Variants in PKD1 observed in about 807,000 individuals in gnomAD.
PKD1 encodes polycystin 1, transient receptor potential channel interacting.
In PKD1, 81 loss-of-function variants were observed where a neutral mutation model predicts 361.7. The ratio of observed to expected loss-of-function variants is 0.22; its 90% CI spans 0.19 to 0.27. PKD1 has a LOEUF of 0.27. PKD1 is among the 10% of genes least tolerant of loss of function. The probability of loss-of-function intolerance (pLI) is 1.00; values close to 1 mark genes in which losing one functional copy is unlikely to be tolerated. For missense variants in PKD1, 6,399 were observed against 6,118.3 expected (o/e 1.05, Z -1.53); for synonymous variants, 3,615 against 2,818.3 (o/e 1.28, Z -8.95).
chr16:2,095,661 G>A (rs1387473488), intron 34 of PKD1, among the ~76,000 whole-genome samples: 1 of 152,232 alleles, frequency 6.6e-6, no homozygotes, highest in Admixed American at 6.5e-5. Flanking sequence ...CTGCAGTGAG[G>A]AAGGACGCAG....
chr16:2,089,569 A>C lies in PKD1; in HGVS notation c.*158T>G. On this transcript the variant is annotated 3_prime_UTR_variant, in exon 46 of 46. Transcript: ENST00000262304. Reference sequence around the variant, plus strand: ...TCCTGGTTGGCCACACAGCCTCTTTAAAGTGCTGAAGCCCACAGACAGACA... The same window carrying C: ...TCCTGGTTGGCCACACAGCCTCTTTCAAGTGCTGAAGCCCACAGACAGACA... 1 of 919,086 alleles carries C rather than the reference A, an allele frequency of 1.1e-6. No individual in the cohort carries two copies. The highest frequency in any genetic ancestry group is 1.6e-6 in the Non-Finnish European group (1 of 608,794). 56.9% of individuals were successfully genotyped at this position (919,086 alleles called of 1,614,324 possible).
intron 38 of PKD1, 62 bp downstream of exon 38, chr16:2,092,892 C>T (rs1171322322): frequency 1.3e-6 from 2 of 1,595,244 alleles, no homozygotes; most frequent in African/African-American, 2.7e-5. Flanking sequence ...CCCCTAGGGT[C>T]TGGCTGGACT....
rs1263269312 is a variant in PKD1 at position 2,102,850 on chromosome 16, G to A, written c.8912C>T (p.Ala2971Val). Residue 2971 changes from alanine (A) to valine (V), a missense_variant, in exon 24 of 46, where the codon GCT becomes GTT. Transcript: ENST00000262304. ...RRIRPESLQG[A>V]DHRPYTFFIS... ...GAAGAAGGTGTAGGGCCGGTGGTCAGCACCCTGGAGTGACTCTGGGCGGAT... is the reference window on the plus strand; with the variant it reads ...GAAGAAGGTGTAGGGCCGGTGGTCAACACCCTGGAGTGACTCTGGGCGGAT... 2 of 1,609,678 alleles carry A rather than the reference G, an allele frequency of 1.2e-6. No individual in the cohort carries two copies. Among genetic ancestry groups the A allele is most frequent in the Non-Finnish European group, 1.7e-6 (2 of 1,179,684 alleles).
At position 2,109,971 on chromosome 16, in the gene PKD1, G is replaced by A. The variant is rs2092457256; in HGVS notation, c.5196C>T (p.Val1732=). 1.9e-6 allele frequency: 3 copies of A among 1,610,000 alleles called. No homozygotes were observed. The highest frequency in any genetic ancestry group is 1.3e-5 in the African/African-American group (1 of 74,976). ...MVAASPNPAA[V]NTSVTLSAEL... is the part of the protein sequence containing the mutation. The stretch of plus-strand genomic sequence containing the variant: ...CGGCACTGAGGGTGACGCTTGTGTT[G>A]ACGGCAGCTGGGTTCGGGGAGGCGG... The change falls in exon 15 of 46, where the codon GTC becomes GTT. Residue 1732 remains valine, a synonymous_variant. Coordinates refer to ENST00000262304, the MANE Select transcript of PKD1 (RefSeq NM_001009944.3).
rs761881497 is a variant in PKD1, at chr16:2,106,909, C to T, written c.7105G>A (p.Glu2369Lys). The part of the protein sequence containing the change: ...RSGRVPIVSL[E>K]CVSCKAQAVY... ...GCCTGTGCCTTGCAGGACACACACT[C>T]CAAGGACACAATGGGCACCCGGCCA... The change falls in exon 17 of 46, where the codon GAG (glutamate) becomes AAG (lysine). Residue 2369 changes from glutamate (E) to lysine (K), a missense_variant. Transcript: ENST00000262304. This position sits in a 1 kb window ranked among gnomAD's most constrained non-coding sequence, Gnocchi z 6.5. 4 of 1,569,620 alleles carry T rather than the reference C, an allele frequency of 2.5e-6. No homozygotes were observed. In the South Asian group the frequency reaches 4.4e-5, roughly 17 times the overall value.
rs1395212176 is a variant in PKD1 at position 2,092,184 on chromosome 16, G to A, written c.11274C>T (p.Leu3758=). The change falls in exon 40 of 46, where the codon CTC becomes CTT. Residue 3758 remains leucine (L), a synonymous_variant. Transcript: ENST00000262304. ...CCCTGGGGCCGGGAGGGTCTGGGTA[G>A]AGTGCTGAAACACACAGAGCCCCAG... is the stretch of plus-strand genomic sequence containing the variant. ...RLRQVRLQEA[L]YPDPPGPRVH... 2 of 1,601,302 alleles carry A rather than the reference G, an allele frequency of 1.2e-6. No individual in the cohort carries two copies. Among genetic ancestry groups the A allele is most frequent in the Non-Finnish European group, 1.7e-6 (2 of 1,175,140 alleles).
rs756308252 is a variant in PKD1 at position 2,092,054 on chromosome 16, G to A, written c.11404C>T (p.Leu3802=). Residue 3802 remains leucine, a synonymous_variant, in exon 40 of 46, where the codon CTG becomes TTG. Transcript: ENST00000262304. The part of the protein sequence containing the change: ...SGTWAYSAPD[L]LGAWSWGSCA... ...GGCCCTCGCTCTGCTCACCCCAGCA[G>A]ATCCGGCGCTGAATAGGCCCACGTC... 26 of 1,612,700 alleles carry A rather than the reference G, an allele frequency of 1.6e-5. No individual in the cohort carries two copies. The highest frequency in any genetic ancestry group is 2.0e-5 in the Non-Finnish European group (24 of 1,179,994).
intron 13 of PKD1, 128 bp from the exon 14 acceptor site, chr16:2,112,601 C>A (rs113511812): frequency 1.0e-6 from 1 of 995,970 alleles, no homozygotes. Flanking sequence ...CAGGGCCCAC[C>A]CGGCTGTGCT....
At chr16:2,129,541 ATTTTTT>A (rs71148122) in intron 1 of PKD1, among the ~76,000 whole-genome samples, 5 of 72,090 alleles carry the variant, frequency 6.9e-5, no homozygotes, top group South Asian at 4.1e-4. Context: ...AGATCCTGTG[ATTTTTT>A]TTTTTTTTTT....
chr16:2,109,915 G>C lies in PKD1; in HGVS notation c.5252C>G (p.Thr1751Ser), dbSNP rs138442416. 1.9e-6 allele frequency: 3 copies of C among 1,610,404 alleles called. No individual in the cohort carries two copies. Among genetic ancestry groups the C allele is most frequent in the African/African-American group, 2.7e-5 (2 of 74,854 alleles). Reference protein sequence around the residue: ...ELAGGSGVVYTWSLEEGLSWE... With the variant: ...ELAGGSGVVYSWSLEEGLSWE... ...GCTCAGCCCCTCCTCCAAGGACCAA[G>C]TGTATACGACACCACTGCCACCAGC... Residue 1751 changes from threonine to serine, a missense_variant, in exon 15 of 46, where the codon ACT (threonine) becomes AGT (serine). Thr to Ser is a moderately conservative substitution (Grantham distance 58). Coordinates refer to ENST00000262304, the MANE Select transcript of PKD1 (RefSeq NM_001009944.3).
rs1474832636 is a variant in PKD1 at position 2,108,644 on chromosome 16, G to A, written c.6523C>T (p.Leu2175=). The change falls in exon 15 of 46, where the codon CTG becomes TTG. Residue 2175 remains leucine (L), a synonymous_variant. Transcript: ENST00000262304. ...GTCTGGTAGGTGACGCAGTCGCGCA[G>A]GTCAACGTGGGCCTCCAAGTAGTTG... ...QRNYLEAHVD[L]RDCVTYQTEY... 6.4e-7 allele frequency: 1 copy of A among 1,561,658 alleles called. No individual in the cohort carries two copies. Among genetic ancestry groups the A allele is most frequent in the Non-Finnish European group, 8.7e-7 (1 of 1,153,998 alleles).
At chr16:2,124,687 G>A (rs1235939543) in intron 1 of PKD1, among the ~76,000 whole-genome samples, 1 of 152,204 alleles carries the variant, frequency 6.6e-6, no homozygotes, top group Admixed American at 6.5e-5. Flanking sequence ...GGGGCCGGAC[G>A]GAGCCCCCAA....
chr16:2,104,680 C>T, intron 21 of PKD1, 38 bp from the exon 22 acceptor site: 1 of 1,276,464 alleles, frequency 7.8e-7, no homozygotes, highest in South Asian at 1.2e-5. Context: ...CGCTCCTGGC[C>T]CCACTCCTTG....
Position 2,104,511 on chromosome 16 carries a change from G to A in PKD1, c.8148C>T (p.Ile2716=). The part of the protein sequence containing the change: ...TVTPTAIGDS[I]LNITGDLIHL... ...GGGCCGCGGCACCTGTGATGTTGAG[G>A]ATGCTGTCTCCGATGGCGGTGGGCG... Residue 2716 remains isoleucine (I), a synonymous_variant, in exon 22 of 46, where the codon ATC becomes ATT. Transcript: ENST00000262304. The A allele has an allele frequency of 1.9e-6, 3 of 1,542,754 alleles. No homozygotes were observed. Among genetic ancestry groups the A allele is most frequent in the Non-Finnish European group, 2.6e-6 (3 of 1,140,526 alleles).
intron 1 of PKD1, among the ~76,000 whole-genome samples, chr16:2,131,135 C>T (rs1033755315): frequency 1.3e-5 from 2 of 152,198 alleles, no homozygotes; most frequent in Non-Finnish European, 2.9e-5. Flanking sequence ...CCCCAAGACA[C>T]AGCGAGAAAT....
Position 2,089,004 on chromosome 16 carries a change from T to G in PKD1, c.*723A>C. On this transcript the variant is annotated 3_prime_UTR_variant, in exon 46 of 46. Coordinates refer to ENST00000262304, the MANE Select transcript of PKD1 (RefSeq NM_001009944.3). ...AGTCCTGCTACTTGCCCAGACCTGA[T>G]GCCAGCAGGCCTGGGCGCTGCTCTC... 4.1e-6 allele frequency: 1 copy of G among 242,138 alleles called. No homozygotes were observed. Among genetic ancestry groups the G allele is most frequent in the Non-Finnish European group, 8.2e-6 (1 of 121,934 alleles). 15.0% of individuals were successfully genotyped at this position (242,138 alleles called of 1,614,324 possible).
chr16:2,102,284 G>A (rs1023231243), intron 25 of PKD1, 28 bp from the exon 26 acceptor site: 5 of 1,467,016 alleles, frequency 3.4e-6, no homozygotes, highest in African/African-American at 1.4e-5. Context: ...CCGGGCCCAG[G>A]AGGTCACGTG....
chr16:2,108,532 C>T lies in PKD1; in HGVS notation c.6635G>A (p.Ser2212Asn), dbSNP rs1172857833. ...CCGCGGCAGCACCAGCCGAGGCCGG[C>T]TCACGTCCACGCCGGGCAGGGCCAC... ...ARVALPGVDV[S>N]RPRLVLPRLA... Residue 2212 changes from serine (S) to asparagine (N), a missense_variant, in exon 15 of 46, where the codon AGC (serine) becomes AAC (asparagine). Ser to Asn is a conservative substitution (Grantham distance 46, BLOSUM62 1). Coordinates refer to ENST00000262304, the MANE Select transcript of PKD1 (RefSeq NM_001009944.3). 13 of 1,608,156 alleles carry T rather than the reference C, an allele frequency of 8.1e-6. No individual in the cohort carries two copies. Among genetic ancestry groups the T allele is most frequent in the Non-Finnish European group, 9.3e-6 (11 of 1,178,594 alleles).
chr16:2,131,346 C>T (rs959429885), intron 1 of PKD1, among the ~76,000 whole-genome samples: 2 of 151,674 alleles, frequency 1.3e-5, no homozygotes, highest in African/African-American at 2.4e-5. Context: ...CCCGTCTCTA[C>T]TAAAAATACA....
Sources: gnomAD v4.1 joint callset for allele counts (sites outside exome capture counted in the v4.1 genomes callset) on GRCh38, gnomAD v4.1.1 for gene constraint, Gnocchi (gnomAD v3.1) non-coding constraint, MANE v1.5 for transcripts, NCBI Gene and HGNC (gene_info 2026-07-23, HGNC 2026-07-21) for gene names.